Variants in DPH6 observed in about 807,000 individuals in gnomAD.
The protein encoded by DPH6 is diphthine--ammonia ligase.
Under a neutral mutation model 38.2 loss-of-function variants are expected in DPH6, and 33 were observed. That is an observed-to-expected ratio of 0.86 (90% confidence interval 0.65 to 1.15). The LOEUF (loss-of-function observed/expected upper bound fraction) is 1.15. Among genes scored for constraint, DPH6 ranks in the 50% most tolerant of loss-of-function variants. DPH6 has a pLI of 0.00. For missense variants in DPH6, 325 were observed against 320.0 expected (o/e 1.02, Z -0.12); for synonymous variants, 108 against 103.0 (o/e 1.05, Z -0.30).
chr15:35,227,277 G>A (rs1242768446), intron 3 of DPH6, among the ~76,000 whole-genome samples: 3 of 135,056 alleles, frequency 2.2e-5, no homozygotes, highest in Admixed American at 8.5e-5. Flanking sequence ...TCCGCCTCCC[G>A]GGTTCATGCC....
At chr15:35,436,499 C>CAAACAA (rs1555401704) in intron 5 of DPH6, among the ~76,000 whole-genome samples, 6 of 21,974 alleles carry the variant, frequency 2.7e-4, no homozygotes, top group Non-Finnish European at 5.2e-4. Flanking sequence ...CAAAACAAAA[C>CAAACAA]AAAACAAAAC....
At chr15:35,489,330 A>C in intron 3 of DPH6, 1 of 985,268 alleles carries the variant, frequency 1.0e-6, no homozygotes, top group Non-Finnish European at 1.2e-6. Flanking sequence ...GAGAAATAAG[A>C]ATTTTTTGAA....
chr15:35,405,221 ATTT>A (rs376514522), intron 6 of DPH6, among the ~76,000 whole-genome samples: 25 of 148,908 alleles, frequency 1.7e-4, no homozygotes, highest in Non-Finnish European at 3.6e-4. Context: ...AAATTTTAGG[ATTT>A]TTTTTTTACT....
chr15:35,206,500 T>C, the DPH6 span, among the ~76,000 whole-genome samples: 2 of 152,192 alleles, frequency 1.3e-5, no homozygotes, highest in Admixed American at 1.3e-4. Context: ...GGGGAAATGC[T>C]GTGGAATCTT....
chr15:35,321,891 C>CA (rs1595477891), intron 3 of DPH6, among the ~76,000 whole-genome samples: 1 of 152,092 alleles, frequency 6.6e-6, no homozygotes, highest in East Asian at 1.9e-4. Flanking sequence ...GGAACCTCGC[C>CA]CACACAGGAG....
At chr15:35,256,587 A>G (rs2051709527) in intron 3 of DPH6, among the ~76,000 whole-genome samples, 1 of 152,226 alleles carries the variant, frequency 6.6e-6, no homozygotes, top group South Asian at 2.1e-4. Context: ...AATCTGCAAA[A>G]GAGGCTGTGT....
At chr15:35,210,853 T>C in the DPH6 span, among the ~76,000 whole-genome samples, 2 of 151,712 alleles carry the variant, frequency 1.3e-5, no homozygotes, top group African/African-American at 2.4e-5. Flanking sequence ...AGATTTCAAA[T>C]ATGTGTCTTT....
intron 5 of DPH6, among the ~76,000 whole-genome samples, chr15:35,436,858 T>G (rs2053723029): frequency 6.6e-6 from 1 of 151,654 alleles, no homozygotes; most frequent in South Asian, 2.1e-4. Context: ...AGGACACCCT[T>G]TTCTCTCCCT....
intron 7 of DPH6, among the ~76,000 whole-genome samples, chr15:35,375,813 C>T (rs1766376876): frequency 6.6e-6 from 1 of 151,808 alleles, no homozygotes; most frequent in Non-Finnish European, 1.5e-5. Context: ...CAGGCTCTAC[C>T]TCTCACCTCA....
intron 3 of DPH6, among the ~76,000 whole-genome samples, chr15:35,533,017 G>C (rs1046142505): frequency 5.3e-5 from 8 of 151,722 alleles, no homozygotes; most frequent in African/African-American, 1.9e-4. Flanking sequence ...TGAAGCAGGA[G>C]AATTGCTTGA....
At chr15:35,378,490 G>A (rs1217749295) in intron 7 of DPH6, among the ~76,000 whole-genome samples, 1 of 152,022 alleles carries the variant, frequency 6.6e-6, no homozygotes, top group Non-Finnish European at 1.5e-5. Context: ...TATACCCAAA[G>A]GATTATAAAT....
intron 3 of DPH6, among the ~76,000 whole-genome samples, chr15:35,310,984 GGGA>G (rs1342229739): frequency 2.0e-5 from 3 of 151,700 alleles, no homozygotes; most frequent in African/African-American, 7.3e-5. Flanking sequence ...GCTTGAACCC[GGGA>G]GGAGGAGGTT....
chr15:35,280,304 G>A (rs2051889457), intron 3 of DPH6, among the ~76,000 whole-genome samples: 1 of 152,126 alleles, frequency 6.6e-6, no homozygotes. Flanking sequence ...TCCTACTGTT[G>A]ACTTAAACAA....
At chr15:35,272,163 A>C (rs2051826335) in intron 3 of DPH6, among the ~76,000 whole-genome samples, 1 of 152,214 alleles carries the variant, frequency 6.6e-6, no homozygotes, top group African/African-American at 2.4e-5. Context: ...AAACCAATAG[A>C]GTATAACAAA....
chr15:35,247,428 A>G (rs1311515871), intron 3 of DPH6, among the ~76,000 whole-genome samples: 1 of 152,252 alleles, frequency 6.6e-6, no homozygotes, highest in Non-Finnish European at 1.5e-5. Flanking sequence ...ATATGCCAAC[A>G]GAGTGGAGCA....
At chr15:35,531,904 G>T (rs1487535445) in intron 3 of DPH6, among the ~76,000 whole-genome samples, 1 of 152,070 alleles carries the variant, frequency 6.6e-6, no homozygotes, top group Non-Finnish European at 1.5e-5. Context: ...TGTTTTTGAG[G>T]TCTCACAATC....
At chr15:35,282,999 A>T (rs76615572) in intron 3 of DPH6, 28 of 222,824 alleles carry the variant, frequency 1.3e-4, no homozygotes, top group East Asian at 1.2e-4. Flanking sequence ...TATCATCATC[A>T]TCTTCTTCTT....
At chr15:35,299,073 C>T in intron 3 of DPH6, 1 of 758,832 alleles carries the variant, frequency 1.3e-6, no homozygotes. Context: ...TTCTGTCTTT[C>T]CAGCTCCCGC....
intron 6 of DPH6, among the ~76,000 whole-genome samples, chr15:35,390,673 G>A (rs1030318730): frequency 3.9e-5 from 6 of 152,260 alleles, no homozygotes; most frequent in East Asian, 1.9e-4. Flanking sequence ...TAGTTCTCAT[G>A]CCATGGTTTT....
Sources: allele counts gnomAD v4.1 joint callset (sites outside exome capture counted in the v4.1 genomes callset), GRCh38; gene constraint gnomAD v4.1.1; transcripts MANE v1.5; gene names NCBI Gene and HGNC (gene_info 2026-07-23, HGNC 2026-07-21).